SYTL3: variants seen among roughly 807,000 people sequenced by gnomAD.
SYTL3 encodes synaptotagmin like 3, also known as synaptotagmin-like protein 3.
A neutral mutation model predicts 82.1 loss-of-function variants in SYTL3; 88 were observed. The observed-to-expected ratio is 1.07, with a 90% CI of 0.90 to 1.28. The LOEUF is 1.28. Ranked by LOEUF, SYTL3 falls within the 50% of genes most tolerant of loss-of-function variation. SYTL3 has a pLI of 0.00. For synonymous variants in SYTL3, 311 were observed against 289.4 expected (o/e 1.07, Z -0.76); for missense variants, 831 against 757.6 (o/e 1.10, Z -1.14).
At chr6:158,704,773 G>A (rs2128448724) in intron 6 of SYTL3, among the ~76,000 whole-genome samples, 1 of 152,390 alleles carries the variant, frequency 6.6e-6, no homozygotes, top group Non-Finnish European at 1.5e-5. Flanking sequence ...TGGCTTTTTG[G>A]TGACTGTGCC....
At chr6:158,671,697 G>A (rs1275444366) in intron 5 of SYTL3, among the ~76,000 whole-genome samples, 1 of 151,038 alleles carries the variant, frequency 6.6e-6, no homozygotes, top group Non-Finnish European at 1.5e-5. Flanking sequence ...GAACCTGGGA[G>A]GCGGAGGTTG....
chr6:158,722,762 G>GTTTTTT lies in SYTL3; in HGVS notation c.721-2720_721-2715dup, dbSNP rs34189391. 1.1e-3 allele frequency among the ~76,000 whole-genome samples: 85 copies of GTTTTTT among 80,876 alleles called. 8 individuals are homozygous for GTTTTTT. Among genetic ancestry groups the GTTTTTT allele is most frequent in the African/African-American group, 4.4e-3 (81 of 18,486 alleles). The allele number at this position is 80,876 out of a possible 152,430, so 53.1% of individuals were successfully genotyped here. Reference sequence around the variant, plus strand: ...AGGAAAAAGATTTTCTCTCTTTTCTGTTTTTTTTTTTTTTTTTTTTTTTTT... The same window carrying GTTTTTT: ...AGGAAAAAGATTTTCTCTCTTTTCTGTTTTTTTTTTTTTTTTTTTTTTTTTTTTTTT... On this transcript the variant is annotated intron_variant, in intron 10 of 17. Coordinates refer to ENST00000611299, the MANE Select transcript of SYTL3 (RefSeq NM_001242394.2).
At chr6:158,715,613 A>ACACGCACGCACCCACACACACACACACG (rs2128466244) in intron 9 of SYTL3, among the ~76,000 whole-genome samples, 1 of 141,910 alleles carries the variant, frequency 7.0e-6, no homozygotes, top group Non-Finnish European at 1.5e-5. Flanking sequence ...ACACACACAC[A>ACACGCACGCACCCACACACACACACACG]CACGCACGCA....
At chr6:158,721,534 AT>A (rs1784110301) in intron 10 of SYTL3, among the ~76,000 whole-genome samples, 1 of 151,946 alleles carries the variant, frequency 6.6e-6, no homozygotes, top group African/African-American at 2.4e-5. Flanking sequence ...ATAAGGGACA[AT>A]TTAGCCAAAT....
At chr6:158,733,549 G>A (rs1399471466) in intron 11 of SYTL3, among the ~76,000 whole-genome samples, 1 of 151,864 alleles carries the variant, frequency 6.6e-6, no homozygotes, top group Non-Finnish European at 1.5e-5. Context: ...GGATGGTCTT[G>A]ATCTCCTGAC....
At chr6:158,669,063 T>A (rs1280295768) in intron 5 of SYTL3, among the ~76,000 whole-genome samples, 1 of 152,226 alleles carries the variant, frequency 6.6e-6, no homozygotes, top group Non-Finnish European at 1.5e-5. Flanking sequence ...TTTCCACTGA[T>A]GTTTCTTCCC....
At chr6:158,683,245 G>A (rs1279204103) in intron 6 of SYTL3, among the ~76,000 whole-genome samples, 5 of 128,048 alleles carry the variant, frequency 3.9e-5, no homozygotes, top group African/African-American at 9.3e-5. Context: ...TTTTTGAGGC[G>A]AAGTCTTGCT....
At chr6:158,652,970 G>A (rs1788215897) in intron 2 of SYTL3, among the ~76,000 whole-genome samples, 2 of 152,210 alleles carry the variant, frequency 1.3e-5, no homozygotes, top group African/African-American at 4.8e-5. Flanking sequence ...TGCAAATAAA[G>A]GATTCTGAAG....
At chr6:158,752,292 C>T (rs571453972) in intron 13 of SYTL3, among the ~76,000 whole-genome samples, 94 of 152,246 alleles carry the variant, frequency 6.2e-4, no homozygotes, top group African/African-American at 2.2e-3. Flanking sequence ...TGAAAAAGAA[C>T]CTGGCTGCCT....
intron 6 of SYTL3, among the ~76,000 whole-genome samples, chr6:158,695,516 T>G (rs1780464706): frequency 6.6e-6 from 1 of 152,252 alleles, no homozygotes; most frequent in African/African-American, 2.4e-5. Flanking sequence ...TAACTTCATG[T>G]TCATTTTTAA....
intron 11 of SYTL3, among the ~76,000 whole-genome samples, chr6:158,730,508 A>G (rs1475331709): frequency 2.0e-5 from 3 of 152,230 alleles, no homozygotes; most frequent in Admixed American, 1.3e-4. Context: ...ACACTCCTCC[A>G]GGGGCGGTCT....
At chr6:158,662,376 G>A (rs1263789253) in intron 3 of SYTL3, among the ~76,000 whole-genome samples, 1 of 152,222 alleles carries the variant, frequency 6.6e-6, no homozygotes, top group Non-Finnish European at 1.5e-5. Context: ...TGAGCTTGTG[G>A]TGGTGCTGCT....
intron 15 of SYTL3, 41 bp downstream of exon 15, chr6:158,760,786 G>T: frequency 6.6e-7 from 1 of 1,512,092 alleles, no homozygotes; most frequent in Non-Finnish European, 9.2e-7. Flanking sequence ...CTGTGTCATT[G>T]TCTGCAGAGC....
intron 6 of SYTL3, among the ~76,000 whole-genome samples, chr6:158,693,966 T>G (rs1780286941): frequency 6.6e-6 from 1 of 151,060 alleles, no homozygotes; most frequent in Non-Finnish European, 1.5e-5. Context: ...TTGCTAAGAC[T>G]GTAGGCGTAA....
At chr6:158,747,811 A>G (rs1305756232) in intron 12 of SYTL3, among the ~76,000 whole-genome samples, 1 of 151,962 alleles carries the variant, frequency 6.6e-6, no homozygotes, top group Admixed American at 6.6e-5. Flanking sequence ...TGGATTGTTT[A>G]TTGTTTTATT....
chr6:158,722,681 C>T (rs890626824), intron 10 of SYTL3, among the ~76,000 whole-genome samples: 1 of 151,062 alleles, frequency 6.6e-6, no homozygotes, highest in East Asian at 1.9e-4. Flanking sequence ...AGGAAGGATG[C>T]CTAAAAACCG....
intron 11 of SYTL3, among the ~76,000 whole-genome samples, chr6:158,731,096 A>G (rs1483805833): frequency 6.6e-6 from 1 of 152,044 alleles, no homozygotes; most frequent in East Asian, 1.9e-4. Context: ...CATCCTGGCC[A>G]ACAAAGTGAA....
rs186733628 is a variant in SYTL3 at position 158,757,007 on chromosome 6, C to T, written c.1138-204C>T. ...TTCTTGAGCAGAGAGAGGACCCCCC[C>T]GCCCCACCCTGGCTGTAAGCACCTT... On this transcript the variant is annotated intron_variant, in intron 13 of 17. Coordinates refer to ENST00000611299, the MANE Select transcript of SYTL3 (RefSeq NM_001242394.2). 8.3e-3 allele frequency among the ~76,000 whole-genome samples: 1,253 copies of T among 151,282 alleles called. 8 individuals carry two copies. Among genetic ancestry groups the T allele is most frequent in the Middle Eastern group, 0.017 (5 of 294 alleles).
chr6:158,749,289 A>T (rs1352737866), intron 12 of SYTL3, among the ~76,000 whole-genome samples: 3 of 141,512 alleles, frequency 2.1e-5, no homozygotes, highest in Non-Finnish European at 4.6e-5. Flanking sequence ...GCTACTTGGG[A>T]GGCTGAGGTG....
Sources: gnomAD v4.1 joint callset for allele counts (sites outside exome capture counted in the v4.1 genomes callset) on GRCh38, gnomAD v4.1.1 for gene constraint, MANE v1.5 for transcripts, NCBI Gene and HGNC (gene_info 2026-07-23, HGNC 2026-07-21) for gene names.